SMCO4: variants seen among roughly 807,000 people sequenced by gnomAD.
SMCO4 encodes single-pass membrane protein with coiled-coil domains 4, also known as single-pass membrane and coiled-coil domain-containing protein 4.
In SMCO4, 4 loss-of-function variants were observed where a neutral mutation model predicts 3.6. The observed-to-expected ratio is 1.11, with a 90% CI of 0.54 to 2.53. The LOEUF (loss-of-function observed/expected upper bound fraction) is 2.53. Among genes scored for constraint, SMCO4 ranks in the 30% most tolerant of loss-of-function variants. The pLI is 0.02. For synonymous variants in SMCO4, 36 were observed against 35.3 expected, an observed-to-expected ratio of 1.02 and a Z score of -0.07; for missense variants, 70 against 80.8, an observed-to-expected ratio of 0.87 and a Z score of 0.51.
At chr11:93,517,231 C>A (rs1027315058) in intron 1 of SMCO4, among the ~76,000 whole-genome samples, 12 of 152,274 alleles carry the variant, frequency 7.9e-5, no homozygotes, top group Middle Eastern at 3.4e-3. Context: ...CAGAATGAGA[C>A]CACCCAAGCA....
At chr11:93,516,804 AG>A in intron 1 of SMCO4, among the ~76,000 whole-genome samples, 1 of 150,864 alleles carries the variant, frequency 6.6e-6, no homozygotes, top group Non-Finnish European at 1.5e-5. Context: ...AAGAAAAAAA[AG>A]AAAAAAAAGT....
At chr11:93,535,792 G>GC (rs1157955488) in intron 1 of SMCO4, 1 of 1,613,444 alleles carries the variant, frequency 6.2e-7, no homozygotes, top group Non-Finnish European at 8.5e-7. Flanking sequence ...GACCAAAGCA[G>GC]CAGCAGCAGC....
At chr11:93,511,061 T>TGTG (rs1366391356) in intron 1 of SMCO4, among the ~76,000 whole-genome samples, 1 of 151,990 alleles carries the variant, frequency 6.6e-6, no homozygotes, top group Non-Finnish European at 1.5e-5. Context: ...ATTATACCAC[T>TGTG]GCACTCCAGC....
intron 1 of SMCO4, among the ~76,000 whole-genome samples, chr11:93,508,055 T>G (rs888845607): frequency 6.6e-6 from 1 of 152,208 alleles, no homozygotes; most frequent in African/African-American, 2.4e-5. Context: ...TTTATAAATA[T>G]TTTTAAATTT....
chr11:93,506,166 A>T (rs549432057), intron 1 of SMCO4, among the ~76,000 whole-genome samples: 7 of 152,342 alleles, frequency 4.6e-5, no homozygotes, highest in African/African-American at 1.4e-4. Context: ...TGTTCCGGGT[A>T]GAGGGGGCAT....
intron 1 of SMCO4, among the ~76,000 whole-genome samples, chr11:93,517,420 G>A (rs1949017710): frequency 6.6e-6 from 1 of 152,200 alleles, no homozygotes. Context: ...TTAGTTGGTA[G>A]AAATCAGCTC....
chr11:93,480,289 G>C (rs1487525262), intron 2 of SMCO4, among the ~76,000 whole-genome samples: 1 of 152,182 alleles, frequency 6.6e-6, no homozygotes, highest in Non-Finnish European at 1.5e-5. Context: ...GAGGATGCCA[G>C]AGCCTGCATC....
At chr11:93,481,458 T>C in intron 2 of SMCO4, 10 of 985,166 alleles carry the variant, frequency 1.0e-5, no homozygotes, top group Non-Finnish European at 1.2e-5. Flanking sequence ...GAGGATGGAG[T>C]AGGAAGCTGT....
chr11:93,494,151 A>G (rs1244419843), intron 2 of SMCO4, among the ~76,000 whole-genome samples: 3 of 152,196 alleles, frequency 2.0e-5, no homozygotes, highest in African/African-American at 2.4e-5. Context: ...CTCATCTCAC[A>G]TATTTTCCCC....
intron 1 of SMCO4, among the ~76,000 whole-genome samples, chr11:93,527,096 C>T (rs976015693): frequency 7.9e-5 from 12 of 152,206 alleles, no homozygotes; most frequent in Non-Finnish European, 1.8e-4. Flanking sequence ...CTGCGTCAGC[C>T]ACACACCCTA....
intron 1 of SMCO4, among the ~76,000 whole-genome samples, chr11:93,529,015 C>G (rs1404709842): frequency 6.6e-6 from 1 of 152,166 alleles, no homozygotes; most frequent in Non-Finnish European, 1.5e-5. Context: ...GGGAGGGGAA[C>G]ACGTGGAGCC....
chr11:93,525,995 T>C (rs1438954680), intron 1 of SMCO4, among the ~76,000 whole-genome samples: 1 of 152,214 alleles, frequency 6.6e-6, no homozygotes, highest in African/African-American at 2.4e-5. Flanking sequence ...CCTCTCTGAC[T>C]ATCCCCAATA....
At chr11:93,516,738 C>T (rs751528212) in intron 1 of SMCO4, among the ~76,000 whole-genome samples, 1 of 151,238 alleles carries the variant, frequency 6.6e-6, no homozygotes, top group African/African-American at 2.4e-5. Context: ...TGCTGTGAGC[C>T]GAGATCGTGC....
At chr11:93,538,672 T>G (rs987125385) in intron 1 of SMCO4, among the ~76,000 whole-genome samples, 1 of 152,230 alleles carries the variant, frequency 6.6e-6, no homozygotes, top group African/African-American at 2.4e-5. Context: ...ATAGTCAGCA[T>G]CTCCAACACC....
At chr11:93,544,818 C>T (rs1332597523), upstream of SMCO4, among the ~76,000 whole-genome samples, 1 of 152,064 alleles carries the variant, frequency 6.6e-6, no homozygotes, top group African/African-American at 2.4e-5. Flanking sequence ...ATGATCCGGT[C>T]TGTGAAGGAA....
intron 1 of SMCO4, among the ~76,000 whole-genome samples, chr11:93,524,946 A>G (rs925083013): frequency 2.0e-5 from 3 of 152,230 alleles, no homozygotes; most frequent in African/African-American, 4.8e-5. Context: ...ATCATAAAAC[A>G]TAACTCCAGT....
Position 93,526,300 on chromosome 11 carries a change from T to TAAA in SMCO4, c.-154+16973_-154+16975dup, listed in dbSNP as rs34555224. On this transcript the variant is annotated intron_variant, in intron 1 of 2. Coordinates refer to ENST00000298966, the MANE Select transcript of SMCO4 (RefSeq NM_020179.3). Reference sequence around the variant, plus strand: ...AGAACAGAAACAGACAAATATTTGCTAAAAAAAAAAAAAAATTAGGAAGAC... The same window carrying TAAA: ...AGAACAGAAACAGACAAATATTTGCTAAAAAAAAAAAAAAAAAATTAGGAAGAC... Among the ~76,000 whole-genome samples the TAAA allele has an allele frequency of 2.1e-5, 3 of 144,428 alleles. No homozygotes were observed. In the East Asian group the frequency reaches 6.1e-4, roughly 29 times the overall value. 94.8% of individuals were successfully genotyped at this position (144,428 alleles called of 152,430 possible).
chr11:93,504,947 G>A (rs1565380080), intron 1 of SMCO4, among the ~76,000 whole-genome samples: 1 of 152,192 alleles, frequency 6.6e-6, no homozygotes, highest in Non-Finnish European at 1.5e-5. Context: ...AGAAACCACA[G>A]TGTAGGGTTT....
chr11:93,498,243 A>C (rs765477433), intron 2 of SMCO4, among the ~76,000 whole-genome samples: 28 of 152,358 alleles, frequency 1.8e-4, no homozygotes, highest in Non-Finnish European at 3.2e-4. Flanking sequence ...TAAAATTAAT[A>C]AGAAACTTTT....
Sources: allele counts gnomAD v4.1 joint callset (sites outside exome capture counted in the v4.1 genomes callset), GRCh38; gene constraint gnomAD v4.1.1; transcripts MANE v1.5; gene names NCBI Gene and HGNC (gene_info 2026-07-23, HGNC 2026-07-21).